NALF1: variants seen among roughly 807,000 people sequenced by gnomAD.
NALF1 encodes family with sequence similarity 155 member A.
Under a neutral mutation model 48.4 loss-of-function variants are expected in NALF1, and 3 were observed. That is an observed-to-expected ratio of 0.06 (90% CI 0.03 to 0.16). The LOEUF (loss-of-function observed/expected upper bound fraction) is 0.16. Among genes scored for constraint, NALF1 ranks in the 10% least tolerant of loss-of-function variants. NALF1 has a pLI of 1.00. For synonymous variants in NALF1, 262 were observed against 245.7 expected (o/e 1.07, Z -0.62); for missense variants, 526 against 571.5 (o/e 0.92, Z 0.81).
chr13:107,325,853 C>CATAT (rs1385871427), intron 1 of NALF1, among the ~76,000 whole-genome samples: 2,186 of 49,006 alleles, frequency 0.045, 31 homozygotes, highest in Non-Finnish European at 0.059. Context: ...CACACACACA[C>CATAT]ACATATATAT....
At chr13:107,841,687 T>G (rs1436610151) in intron 1 of NALF1, among the ~76,000 whole-genome samples, 1 of 152,084 alleles carries the variant, frequency 6.6e-6, no homozygotes. Context: ...TGACTTTGTT[T>G]TGTTTTATTT....
rs116900426 is a variant in NALF1, at chr13:107,347,619, G to T, written c.916-136864C>A. On this transcript the variant is annotated intron_variant, in intron 1 of 2. Transcript: ENST00000375915. ...AACAATGAGCATGAAATGCCCAACTGTGAATCGATGATCCTATCCTCATTT... is the reference window on the plus strand; with the variant it reads ...AACAATGAGCATGAAATGCCCAACTTTGAATCGATGATCCTATCCTCATTT... Among the ~76,000 whole-genome samples, 452 of 152,278 alleles carry T rather than the reference G, an allele frequency of 3.0e-3. 6 individuals carry two copies. Among genetic ancestry groups the T allele is most frequent in the Admixed American group, 0.022 (341 of 15,298 alleles).
intron 1 of NALF1, among the ~76,000 whole-genome samples, chr13:107,219,312 T>G (rs1236122324): frequency 6.6e-6 from 1 of 152,194 alleles, no homozygotes; most frequent in East Asian, 1.9e-4. Flanking sequence ...CTGGCCTGTA[T>G]GGACTGTCAC....
At chr13:107,346,536 A>C (rs1882775745) in intron 1 of NALF1, among the ~76,000 whole-genome samples, 1 of 152,250 alleles carries the variant, frequency 6.6e-6, no homozygotes, top group Non-Finnish European at 1.5e-5. Flanking sequence ...ATACTGCATG[A>C]ATCCTCTTAT....
chr13:107,498,897 C>T (rs1003032702), intron 1 of NALF1, among the ~76,000 whole-genome samples: 2 of 152,010 alleles, frequency 1.3e-5, no homozygotes, highest in African/African-American at 4.8e-5. Flanking sequence ...TCATTCAGAA[C>T]CATTAAAAAT....
intron 1 of NALF1, among the ~76,000 whole-genome samples, chr13:107,363,333 C>A (rs1883097987): frequency 6.6e-6 from 1 of 152,120 alleles, no homozygotes; most frequent in African/African-American, 2.4e-5. Flanking sequence ...ATGGCTCATT[C>A]CTATAATCAA....
chr13:107,424,783 T>C (rs1357812750), intron 1 of NALF1, among the ~76,000 whole-genome samples: 2 of 152,248 alleles, frequency 1.3e-5, no homozygotes, highest in African/African-American at 4.8e-5. Context: ...TCTATGTATC[T>C]ACCTCCTTTC....
At chr13:107,675,347 T>A (rs1881088252) in intron 1 of NALF1, among the ~76,000 whole-genome samples, 4 of 152,128 alleles carry the variant, frequency 2.6e-5, no homozygotes. Context: ...TGCGCATAGA[T>A]GGCATCACCG....
intron 1 of NALF1, among the ~76,000 whole-genome samples, chr13:107,577,364 T>C (rs1878184218): frequency 6.6e-6 from 1 of 152,128 alleles, no homozygotes. Flanking sequence ...TGGAAACTGG[T>C]CAGGTGGCCA....
intron 1 of NALF1, among the ~76,000 whole-genome samples, chr13:107,244,052 T>C (rs940712975): frequency 6.6e-6 from 1 of 152,220 alleles, no homozygotes; most frequent in Non-Finnish European, 1.5e-5. Flanking sequence ...AGGCATATCA[T>C]GGACTTCATA....
At chr13:107,561,766 A>G (rs997575378) in intron 1 of NALF1, among the ~76,000 whole-genome samples, 6 of 152,222 alleles carry the variant, frequency 3.9e-5, no homozygotes, top group African/African-American at 1.4e-4. Flanking sequence ...CTTCCTGTGA[A>G]GCCTGTCCAT....
intron 1 of NALF1, among the ~76,000 whole-genome samples, chr13:107,589,890 G>A (rs1878557126): frequency 6.6e-6 from 1 of 151,968 alleles, no homozygotes; most frequent in Non-Finnish European, 1.5e-5. Flanking sequence ...AGATTGCACA[G>A]CTAGTCAGCT....
chr13:107,269,613 G>A (rs72666534), intron 1 of NALF1, among the ~76,000 whole-genome samples: 42,476 of 151,982 alleles, frequency 0.28, 7,464 homozygotes, highest in South Asian at 0.51. Flanking sequence ...AACTAAGAGT[G>A]TCCTTTTTTC....
chr13:107,789,801 G>A (rs889724019), intron 1 of NALF1, among the ~76,000 whole-genome samples: 4 of 152,184 alleles, frequency 2.6e-5, no homozygotes, highest in African/African-American at 9.7e-5. Flanking sequence ...TGCTGCCAGG[G>A]AGTTGGTTAT....
chr13:107,234,509 G>A (rs925667027), intron 1 of NALF1, among the ~76,000 whole-genome samples: 5 of 152,082 alleles, frequency 3.3e-5, no homozygotes, highest in South Asian at 2.1e-4. Context: ...GCCAGCCCCG[G>A]CAGGGCTGCG....
At chr13:107,811,771 A>C (rs527524258) in intron 1 of NALF1, among the ~76,000 whole-genome samples, 1 of 152,154 alleles carries the variant, frequency 6.6e-6, no homozygotes, top group African/African-American at 2.4e-5. Flanking sequence ...CTCATGGTGG[A>C]AAGGCGATAA....
Position 107,828,603 on chromosome 13 carries a change from C to CTA in NALF1, c.915+37077_915+37078dup, listed in dbSNP as rs1365862975. Among the ~76,000 whole-genome samples, 58 of 36,044 alleles carry CTA rather than the reference C, an allele frequency of 1.6e-3. 1 individual carries two copies. The highest frequency in any genetic ancestry group is 2.9e-3 in the African/African-American group (46 of 15,644). The allele number at this position is 36,044 out of a possible 152,430, so 23.6% of individuals were successfully genotyped here. A position where few individuals can be genotyped will look rare whatever the true frequency, so the allele number is the denominator to read the frequency against. ...TCTATCTATCTATCTATATCTATAT[C>CTA]TATACACACACACACACACACACAC... On this transcript the variant is annotated intron_variant, in intron 1 of 2. Transcript: ENST00000375915.
intron 1 of NALF1, among the ~76,000 whole-genome samples, chr13:107,397,441 G>A (rs1162252123): frequency 6.6e-6 from 1 of 152,126 alleles, no homozygotes; most frequent in Non-Finnish European, 1.5e-5. Context: ...GCACCCACAT[G>A]GTACTGCTAA....
At chr13:107,341,196 AG>A (rs1419935529) in intron 1 of NALF1, among the ~76,000 whole-genome samples, 4 of 152,156 alleles carry the variant, frequency 2.6e-5, no homozygotes, top group Non-Finnish European at 4.4e-5. Context: ...GACTGGATGA[AG>A]ATTAATACTT....
Sources: gnomAD v4.1 joint callset for allele counts (sites outside exome capture counted in the v4.1 genomes callset) on GRCh38, gnomAD v4.1.1 for gene constraint, MANE v1.5 for transcripts, NCBI Gene and HGNC (gene_info 2026-07-23, HGNC 2026-07-21) for gene names.